The following SYNCRIP variants were observed in gnomAD, a reference collection of about 807,000 sequenced individuals.
The protein encoded by SYNCRIP is synaptotagmin binding cytoplasmic RNA interacting protein.
In SYNCRIP, 9 loss-of-function variants were observed where a neutral mutation model predicts 68.9. That is an observed-to-expected ratio of 0.13 (90% CI 0.08 to 0.23). The LOEUF (loss-of-function observed/expected upper bound fraction) is 0.23, where lower values mean the gene tolerates loss of function less well. Ranked by LOEUF, SYNCRIP falls within the 10% of genes least tolerant of loss-of-function variation. SYNCRIP has a pLI of 1.00. For missense variants in SYNCRIP, 414 were observed against 770.6 expected (o/e 0.54, Z 5.48); for synonymous variants, 258 against 254.0 (o/e 1.02, Z -0.15).
intron 3 of SYNCRIP, 31 bp downstream of exon 3, chr6:85,640,415 T>G (rs1017688397): frequency 8.8e-6 from 14 of 1,585,636 alleles, no homozygotes; most frequent in Non-Finnish European, 1.2e-5. Context: ...CTACTCAAAT[T>G]TTTTAATTTT....
At chr6:85,616,162 C>T (rs547423620) in intron 10 of SYNCRIP, among the ~76,000 whole-genome samples, 2 of 152,224 alleles carry the variant, frequency 1.3e-5, no homozygotes, top group Admixed American at 6.5e-5. Context: ...AAGGACTAAA[C>T]GAAGTTACAA....
chr6:85,635,774 C>CAAAAAAAAAAAAAA (rs58599854), intron 6 of SYNCRIP, among the ~76,000 whole-genome samples: 14 of 78,908 alleles, frequency 1.8e-4, no homozygotes, highest in African/African-American at 6.2e-4. Context: ...TTCTATCTCC[C>CAAAAAAAAAAAAAA]AAAAAAAAAA....
chr6:85,633,242 T>A (rs979624560), intron 6 of SYNCRIP, among the ~76,000 whole-genome samples: 1 of 136,394 alleles, frequency 7.3e-6, no homozygotes, highest in Admixed American at 7.4e-5. Flanking sequence ...GGCAACAGAG[T>A]GAGACTCCAT....
chr6:85,614,609 C>A lies in SYNCRIP; in HGVS notation c.*147G>T. 7.6e-7 allele frequency: 1 copy of A among 1,307,266 alleles called. No homozygotes were observed. The highest frequency in any genetic ancestry group is 9.7e-7 in the Non-Finnish European group (1 of 1,028,398). 81.0% of individuals were successfully genotyped at this position (1,307,266 alleles called of 1,614,324 possible). A position where few individuals can be genotyped will look rare whatever the true frequency, so the allele number is the denominator to read the frequency against. ...TCGCCAGAAGCAGTTAGAAGTGTGG[C>A]TTTGTTCGTGTCCAAGCGGATTGTT... is the stretch of plus-strand genomic sequence containing the variant. On this transcript the variant is annotated 3_prime_UTR_variant, in exon 11 of 11. Transcript: ENST00000369622.
chr6:85,619,886 C>G (rs578085203), intron 8 of SYNCRIP, among the ~76,000 whole-genome samples: 79 of 152,216 alleles, frequency 5.2e-4, no homozygotes, highest in African/African-American at 1.9e-3. Flanking sequence ...CCTTATTTAC[C>G]CAGAGTTGAA....
intron 9 of SYNCRIP, 113 bp from the exon 10 acceptor site, chr6:85,619,052 G>T: frequency 1.7e-6 from 2 of 1,211,446 alleles, no homozygotes; most frequent in Non-Finnish European, 2.4e-6. Context: ...AAAGCCCCAT[G>T]CAGGCAGTCA....
At chr6:85,612,815 T>C, downstream of SYNCRIP, 1 of 1,528,410 alleles carries the variant, frequency 6.5e-7, no homozygotes, top group Non-Finnish European at 8.8e-7. Flanking sequence ...ATATTTAAGG[T>C]TGCTTGATTT....
intron 6 of SYNCRIP, among the ~76,000 whole-genome samples, chr6:85,635,319 T>C (rs1417414523): frequency 6.6e-6 from 1 of 152,168 alleles, no homozygotes; most frequent in Non-Finnish European, 1.5e-5. Flanking sequence ...AAAGCACTCT[T>C]TTATGAAGAG....
chr6:85,611,687 T>TA (rs1448486855), downstream of SYNCRIP: 1 of 152,340 alleles, frequency 6.6e-6, no homozygotes, highest in Non-Finnish European at 1.5e-5. Context: ...TTTAGAAAAT[T>TA]AAAAACATAG....
chr6:85,629,516 C>CAAAAAA (rs781083306), intron 6 of SYNCRIP, among the ~76,000 whole-genome samples: 5 of 64,918 alleles, frequency 7.7e-5, no homozygotes, highest in Non-Finnish European at 1.0e-4. Context: ...ACTAAAAATA[C>CAAAAAA]AAAAAAAAAA....
At chr6:85,640,596 A>G (rs200498879) in intron 2 of SYNCRIP, 32 bp from the exon 3 acceptor site, 2 of 1,404,212 alleles carry the variant, frequency 1.4e-6, no homozygotes, top group Admixed American at 2.3e-5. Flanking sequence ...AGCTTTTAAT[A>G]TTTTTAGAAA....
At chr6:85,608,014 T>C (rs1293111274), downstream of SYNCRIP, 1 of 152,074 alleles carries the variant, frequency 6.6e-6, no homozygotes, top group African/African-American at 2.4e-5. Context: ...AACCCACAAA[T>C]ATATTGGCAA....
intron 2 of SYNCRIP, 134 bp downstream of exon 2, chr6:85,641,158 T>G: frequency 1.5e-6 from 1 of 683,514 alleles, no homozygotes; most frequent in South Asian, 1.9e-5. Context: ...AAACTTAAAT[T>G]AACCAACTAT....
chr6:85,608,754 C>T (rs1423970395), exon 12 of SYNCRIP: 5 of 151,936 alleles, frequency 3.3e-5, no homozygotes, highest in Admixed American at 2.0e-4. Flanking sequence ...TGACCCAGAG[C>T]GTTAGTAATA....
intron 6 of SYNCRIP, among the ~76,000 whole-genome samples, chr6:85,635,690 A>G (rs1482304677): frequency 6.7e-6 from 1 of 149,078 alleles, no homozygotes; most frequent in Non-Finnish European, 1.5e-5. Flanking sequence ...GAATCGCTTG[A>G]ACCTGGGAGG....
In SYNCRIP at chr6:85,619,258, CCAT is replaced by C. The variant is rs775081064; in HGVS notation, c.1158+7_1158+9del. 396 of 1,612,500 alleles carry C rather than the reference CCAT, an allele frequency of 2.5e-4. No homozygotes were observed. The highest frequency in any genetic ancestry group is 3.2e-4 in the Non-Finnish European group (380 of 1,179,700). On this transcript the variant is annotated splice_region_variant and intron_variant, in intron 9 of 10. Coordinates refer to ENST00000369622, the MANE Select transcript of SYNCRIP (RefSeq NM_006372.5). ...TCTGATTTAGATGCCTGTAATTCCACCATATTTACCTTGACAGCACCATCTCGC... is the reference window on the plus strand; with the variant it reads ...TCTGATTTAGATGCCTGTAATTCCACATTTACCTTGACAGCACCATCTCGC...
chr6:85,637,038 T>C lies in SYNCRIP; in HGVS notation c.595A>G (p.Thr199Ala). Residue 199 changes from threonine (T) to alanine (A), a missense_variant, in exon 6 of 11, where the codon ACT becomes GCT. This residue lies in a region of SYNCRIP where 110 missense variants were observed against 269.3 expected (regional missense o/e 0.41). Coordinates refer to ENST00000369622, the MANE Select transcript of SYNCRIP (RefSeq NM_006372.5). The part of the protein sequence containing the change: ...WDLRLMMDPL[T>A]GLNRGYAFVT... ...AACGCATAACCTCTATTGAGACCAG[T>C]GAGTGGATCCATCATTAGACGAAGA... 3.1e-6 allele frequency: 5 copies of C among 1,614,120 alleles called. No individual in the cohort carries two copies. Among genetic ancestry groups the C allele is most frequent in the Non-Finnish European group, 4.2e-6 (5 of 1,180,026 alleles).
chr6:85,621,714 T>C (rs531632454), intron 8 of SYNCRIP, among the ~76,000 whole-genome samples: 23 of 152,090 alleles, frequency 1.5e-4, no homozygotes, highest in Non-Finnish European at 2.2e-4. Context: ...TCTTATACAA[T>C]GTCTCCACTG....
intron 6 of SYNCRIP, among the ~76,000 whole-genome samples, chr6:85,624,470 C>T (rs895505641): frequency 3.5e-4 from 53 of 152,286 alleles, no homozygotes; most frequent in African/African-American, 1.3e-3. Flanking sequence ...AGATCTCTGC[C>T]GTTCTGTTAA....
Sources: allele counts gnomAD v4.1 joint callset (sites outside exome capture counted in the v4.1 genomes callset), GRCh38; gene constraint gnomAD v4.1.1; regional missense constraint gnomAD v4.1.1; transcripts MANE v1.5; gene names NCBI Gene and HGNC (gene_info 2026-07-23, HGNC 2026-07-21).